Variants in SHQ1 observed in about 807,000 individuals in gnomAD.
The protein encoded by SHQ1 is protein SHQ1 homolog.
Under a neutral mutation model 53.8 loss-of-function variants are expected in SHQ1, and 49 were observed. The ratio of observed to expected loss-of-function variants is 0.91; its 90% confidence interval spans 0.72 to 1.16. The LOEUF is 1.16. Ranked by LOEUF, SHQ1 falls within the 50% of genes most tolerant of loss-of-function variation. The pLI is 0.00. For missense variants in SHQ1, 738 were observed against 683.1 expected (o/e 1.08, Z -0.90); for synonymous variants, 243 against 251.0 (o/e 0.97, Z 0.30).
At chr3:72,844,214 TG>T in intron 2 of SHQ1, 144 bp downstream of exon 2, 1 of 666,860 alleles carries the variant, frequency 1.5e-6, no homozygotes, top group Non-Finnish European at 2.6e-6. Flanking sequence ...TAACAGGCAC[TG>T]GACACTAAGA....
At chr3:72,796,312 A>G (rs947564196) in intron 9 of SHQ1, among the ~76,000 whole-genome samples, 12 of 152,090 alleles carry the variant, frequency 7.9e-5, no homozygotes, top group African/African-American at 2.9e-4. Flanking sequence ...GGCAGTAGGA[A>G]TAAAGGACCC....
At chr3:72,825,893 C>T (rs1022320236) in intron 5 of SHQ1, among the ~76,000 whole-genome samples, 1 of 152,158 alleles carries the variant, frequency 6.6e-6, no homozygotes, top group Non-Finnish European at 1.5e-5. Flanking sequence ...AGACAACTTA[C>T]GGAGTTCTTT....
chr3:72,846,281 A>G (rs1273993072), intron 1 of SHQ1: 2 of 1,530,286 alleles, frequency 1.3e-6, no homozygotes, highest in African/African-American at 1.4e-5. Context: ...CATCCTTGGT[A>G]TAGCAAACTG....
intron 9 of SHQ1, among the ~76,000 whole-genome samples, chr3:72,799,253 A>G (rs899868621): frequency 1.3e-5 from 2 of 152,230 alleles, no homozygotes; most frequent in Non-Finnish European, 2.9e-5. Flanking sequence ...CTTTATTTGT[A>G]AAATCATCTG....
At chr3:72,763,449 T>C (rs1705652441) in intron 10 of SHQ1, among the ~76,000 whole-genome samples, 1 of 152,210 alleles carries the variant, frequency 6.6e-6, no homozygotes, top group Admixed American at 6.5e-5. Flanking sequence ...GGAGAAGGTA[T>C]CACTATAAAG....
rs114562340 is a variant in SHQ1 at position 72,847,729 on chromosome 3, T to G, written c.143+469A>C. On this transcript the variant is annotated intron_variant, in intron 1 of 10. Transcript: ENST00000325599. ...CAAAAAAGGTAAGAATTTCGGTAAG[T>G]AGGGAGCGGACAGACAAGAGATAGA... 5.6e-3 allele frequency among the ~76,000 whole-genome samples: 846 copies of G among 151,908 alleles called. 11 individuals carry two copies. The highest frequency in any genetic ancestry group is 0.02 in the Middle Eastern group (6 of 294).
intron 10 of SHQ1, among the ~76,000 whole-genome samples, chr3:72,759,229 A>G (rs1370498652): frequency 6.6e-6 from 1 of 152,224 alleles, no homozygotes; most frequent in Admixed American, 6.5e-5. Flanking sequence ...CTGCAAGGAC[A>G]TGAAGTTTGG....
At chr3:72,827,695 T>G (rs1376264731) in intron 5 of SHQ1, among the ~76,000 whole-genome samples, 3 of 151,800 alleles carry the variant, frequency 2.0e-5, no homozygotes, top group African/African-American at 7.3e-5. Flanking sequence ...CTTTTCATAA[T>G]AAATTACTTT....
At chr3:72,742,000 G>A in the SHQ1 span, among the ~76,000 whole-genome samples, 1 of 151,900 alleles carries the variant, frequency 6.6e-6, no homozygotes, top group Non-Finnish European at 1.5e-5. Context: ...CTGGATTTTG[G>A]TATCTGAGGA....
intron 10 of SHQ1, among the ~76,000 whole-genome samples, chr3:72,751,494 G>GTATACATATATA (rs1431742565): frequency 3.1e-5 from 3 of 97,530 alleles, no homozygotes; most frequent in Non-Finnish European, 6.2e-5. Flanking sequence ...GTGTGTGTGT[G>GTATACATATATA]TGTGTGTGTG....
intron 9 of SHQ1, chr3:72,793,621 G>A (rs1185536959): frequency 2.6e-5 from 4 of 151,654 alleles, no homozygotes; most frequent in Non-Finnish European, 5.9e-5. Flanking sequence ...TTAAATGAAA[G>A]GCAGGAAAGT....
At chr3:72,837,032 G>A (rs1049358473) in intron 4 of SHQ1, among the ~76,000 whole-genome samples, 4 of 152,202 alleles carry the variant, frequency 2.6e-5, no homozygotes, top group African/African-American at 9.7e-5. Context: ...CAAGCCTGGC[G>A]TCCTGCAGCA....
intron 10 of SHQ1, among the ~76,000 whole-genome samples, chr3:72,752,701 G>C (rs1472308600): frequency 6.6e-6 from 1 of 151,994 alleles, no homozygotes; most frequent in Non-Finnish European, 1.5e-5. Context: ...TAATTTTTTT[G>C]TATTTTTAGT....
At chr3:72,834,033 G>C (rs1400187479) in intron 4 of SHQ1, among the ~76,000 whole-genome samples, 1 of 152,236 alleles carries the variant, frequency 6.6e-6, no homozygotes, top group Non-Finnish European at 1.5e-5. Context: ...GTTGATGGCT[G>C]TAATGCAAAA....
At chr3:72,745,280 T>C (rs2106689262), downstream of SHQ1, among the ~76,000 whole-genome samples, 1 of 152,212 alleles carries the variant, frequency 6.6e-6, no homozygotes, top group African/African-American at 2.4e-5. Context: ...TGAAAACCGC[T>C]CCCCAGCTGT....
intron 10 of SHQ1, among the ~76,000 whole-genome samples, chr3:72,751,508 G>GTGTGTGTATATATATATATA (rs1210782182): frequency 8.5e-6 from 1 of 116,984 alleles, no homozygotes; most frequent in Non-Finnish European, 1.6e-5. Context: ...GTGTGTGTGT[G>GTGTGTGTATATATATATATA]TATATATATA....
chr3:72,788,801 C>T (rs1319915235), intron 10 of SHQ1, among the ~76,000 whole-genome samples: 1 of 152,166 alleles, frequency 6.6e-6, no homozygotes, highest in Non-Finnish European at 1.5e-5. Flanking sequence ...CTCTCTGAAA[C>T]ATGTACTGTG....
intron 10 of SHQ1, among the ~76,000 whole-genome samples, chr3:72,778,630 A>C (rs1326513812): frequency 6.6e-6 from 1 of 152,160 alleles, no homozygotes; most frequent in Non-Finnish European, 1.5e-5. Context: ...AAAATAACTA[A>C]ACTCTACAAA....
intron 1 of SHQ1, chr3:72,846,318 A>G (rs755528948): frequency 6.2e-6 from 9 of 1,441,926 alleles, no homozygotes; most frequent in South Asian, 1.2e-5. Flanking sequence ...TTTTTTTTAG[A>G]CAGTCTCGCT....
Sources: gnomAD v4.1 joint callset for allele counts (sites outside exome capture counted in the v4.1 genomes callset) on GRCh38, gnomAD v4.1.1 for gene constraint, MANE v1.5 for transcripts, NCBI Gene and HGNC (gene_info 2026-07-23, HGNC 2026-07-21) for gene names.